ADAM7: variants seen among roughly 807,000 people sequenced by gnomAD.
ADAM7 encodes the protein ADAM metallopeptidase domain 7.
A neutral mutation model predicts 102.9 loss-of-function variants in ADAM7; 97 were observed. The ratio of observed to expected loss-of-function variants is 0.94; its 90% confidence interval spans 0.80 to 1.12. The LOEUF (loss-of-function observed/expected upper bound fraction) is 1.12. Among genes scored for constraint, ADAM7 ranks in the 50% most tolerant of loss-of-function variants. The pLI is 0.00. For missense variants in ADAM7, 991 were observed against 908.7 expected, an observed-to-expected ratio of 1.09 and a Z score of -1.16; for synonymous variants, 334 against 304.4, an observed-to-expected ratio of 1.10 and a Z score of -1.01.
At chr8:24,482,022 T>C in intron 8 of ADAM7, 120 bp from the exon 9 acceptor site, 1 of 702,664 alleles carries the variant, frequency 1.4e-6, no homozygotes, top group Non-Finnish European at 2.3e-6. Flanking sequence ...TTGCACTGTT[T>C]ACTAATGTAC....
At chr8:24,502,995 A>C (rs540400171) in intron 20 of ADAM7, among the ~76,000 whole-genome samples, 1 of 152,190 alleles carries the variant, frequency 6.6e-6, no homozygotes, top group Non-Finnish European at 1.5e-5. Flanking sequence ...ACTGAATCTC[A>C]TGATGAATGA....
Position 24,508,617 on chromosome 8 carries a change from C to T in ADAM7, c.*71C>T, listed in dbSNP as rs373874401. 1.1e-4 allele frequency: 185 copies of T among 1,609,650 alleles called. 2 individuals carry two copies. The African/African-American group carries it at 2.1e-3, about 18-fold the overall frequency. ...GATTCTGGATGCAACGTCTTTACAA[C>T]CTTACCTAGATATCTGCTACTCACA... is the stretch of plus-strand genomic sequence containing the variant. On this transcript the variant is annotated 3_prime_UTR_variant, in exon 22 of 22. Transcript: ENST00000175238.
rs1818367602 is a variant in ADAM7 at position 24,441,366 on chromosome 8, G to GAGAA, written c.52+209_52+212dup. On this transcript the variant is annotated intron_variant, in intron 1 of 21. Coordinates refer to ENST00000175238, the MANE Select transcript of ADAM7 (RefSeq NM_003817.4). ...GAACATTCTGACCCACAGTGAGGAG[G>GAGAA]AGAAAGGAGTGGACAAGTACTGCAT... Among the ~76,000 whole-genome samples, 5 of 152,218 alleles carry GAGAA rather than the reference G, an allele frequency of 3.3e-5. No individual in the cohort carries two copies. The South Asian group carries it at 1.0e-3, about 31-fold the overall frequency.
intron 13 of ADAM7, among the ~76,000 whole-genome samples, chr8:24,491,277 C>G (rs144002942): frequency 7.9e-4 from 121 of 152,218 alleles, no homozygotes; most frequent in African/African-American, 2.2e-3. Flanking sequence ...GAAACGTTCC[C>G]GAGGAAGACA....
chr8:24,466,761 T>C (rs770439108), intron 5 of ADAM7, 38 bp from the exon 6 acceptor site: 3 of 1,570,584 alleles, frequency 1.9e-6, no homozygotes, highest in East Asian at 2.2e-5. Flanking sequence ...AGAGTAATTA[T>C]AGGCCTTGAA....
chr8:24,485,417 G>A (rs1183790523), intron 10 of ADAM7, 56 bp downstream of exon 10: 1 of 1,515,552 alleles, frequency 6.6e-7, no homozygotes, highest in South Asian at 1.2e-5. Flanking sequence ...TTGTTGTAAT[G>A]TCCTGGGTTC....
At position 24,492,042 on chromosome 8, in the gene ADAM7, G is replaced by C. The variant is rs956152480; in HGVS notation, c.1496G>C (p.Cys499Ser). ...CCTTGCAAGAACTCAGAAGGCTACT[G>C]TTTCATGGGGAAATGTCCAACTCGT... is the stretch of plus-strand genomic sequence containing the variant. ...GFPCKNSEGYCFMGKCPTRED... is the reference protein window; with the variant it reads ...GFPCKNSEGYSFMGKCPTRED... The change falls in exon 14 of 22, where the codon TGT becomes TCT. Residue 499 changes from cysteine to serine, a missense_variant. Coordinates refer to ENST00000175238, the MANE Select transcript of ADAM7 (RefSeq NM_003817.4). The C allele has an allele frequency of 2.5e-6, 4 of 1,613,816 alleles. No individual in the cohort carries two copies. In the African/African-American group the frequency reaches 5.3e-5, roughly 22 times the overall value.
At chr8:24,457,221 T>C (rs1273963256) in intron 3 of ADAM7, among the ~76,000 whole-genome samples, 2 of 152,240 alleles carry the variant, frequency 1.3e-5, no homozygotes, top group Non-Finnish European at 2.9e-5. Flanking sequence ...ATCATTTGTA[T>C]ATCTTTTTAA....
intron 3 of ADAM7, 115 bp from the exon 4 acceptor site, chr8:24,463,767 G>A (rs1299469266): frequency 1.3e-6 from 1 of 779,874 alleles, no homozygotes; most frequent in African/African-American, 1.7e-5. Flanking sequence ...TCTAGCGGAA[G>A]AGGATCTTGC....
chr8:24,500,109 A>G, intron 17 of ADAM7, 69 bp from the exon 18 acceptor site: 1 of 1,408,070 alleles, frequency 7.1e-7, no homozygotes, highest in Non-Finnish European at 9.8e-7. Flanking sequence ...AGGTAGCACT[A>G]AAGTAAGTGA....
At position 24,498,751 on chromosome 8, in the gene ADAM7, G is replaced by C. The variant is rs77989709; in HGVS notation, c.1843-485G>C. Among the ~76,000 whole-genome samples, 792 of 151,796 alleles carry C rather than the reference G, an allele frequency of 5.2e-3. 5 individuals are homozygous for C. The highest frequency in any genetic ancestry group is 0.018 in the African/African-American group (758 of 41,492). On this transcript the variant is annotated intron_variant, in intron 16 of 21. Transcript: ENST00000175238. ...AAATAACAAAACCAATAATATTTTA[G>C]TGATCAAATTTACCAAGAGAAAGGA...
At chr8:24,452,048 C>G (rs1427210464) in intron 3 of ADAM7, among the ~76,000 whole-genome samples, 15 of 152,112 alleles carry the variant, frequency 9.9e-5, no homozygotes, top group Admixed American at 9.8e-4. Context: ...TTTACATTTG[C>G]TGAGGAGAGC....
chr8:24,480,125 G>A (rs17052037), intron 8 of ADAM7, among the ~76,000 whole-genome samples: 3,134 of 152,220 alleles, frequency 0.021, 121 homozygotes, highest in African/African-American at 0.072. Flanking sequence ...GCCTTGCCTT[G>A]TATCTTGCAA....
rs1316084641 is a variant in ADAM7 at position 24,509,482 on chromosome 8, A to G, written c.*936A>G. ...AAGCTACATGCATTATTTTTTTTCCATTTACTGAAATAAAGTTTTCAAGTT... is the reference window on the plus strand; with the variant it reads ...AAGCTACATGCATTATTTTTTTTCCGTTTACTGAAATAAAGTTTTCAAGTT... On this transcript the variant is annotated 3_prime_UTR_variant, in exon 22 of 22. Coordinates refer to ENST00000175238, the MANE Select transcript of ADAM7 (RefSeq NM_003817.4). The G allele has an allele frequency of 4.1e-6, 4 of 983,868 alleles. No homozygotes were observed. Among genetic ancestry groups the G allele is most frequent in the Non-Finnish European group, 4.8e-6 (4 of 828,790 alleles). The allele number at this position is 983,868 out of a possible 1,614,324, so 60.9% of individuals were successfully genotyped here.
rs774981478 is a variant in ADAM7, at chr8:24,441,207, TTG to T, written c.52+51_52+52del. 15 of 1,546,244 alleles carry T rather than the reference TTG, an allele frequency of 9.7e-6. 2 individuals carry two copies. In the South Asian group the frequency reaches 1.6e-4, roughly 16 times the overall value. ...AGGACTTTCTTATTATGCTGTGAGG[TTG>T]TGTCTCTTTAGTCACAAACTTTAAA... On this transcript the variant is annotated intron_variant, in intron 1 of 21. Coordinates refer to ENST00000175238, the MANE Select transcript of ADAM7 (RefSeq NM_003817.4).
intron 16 of ADAM7, among the ~76,000 whole-genome samples, chr8:24,496,627 C>G (rs781648904): frequency 2.6e-5 from 4 of 152,188 alleles, no homozygotes; most frequent in Non-Finnish European, 5.9e-5. Context: ...GACATGGAAT[C>G]AAAGGAGATC....
intron 4 of ADAM7, 81 bp from the exon 5 acceptor site, chr8:24,465,618 T>C: frequency 1.3e-6 from 1 of 790,422 alleles, no homozygotes; most frequent in Middle Eastern, 3.9e-4. Flanking sequence ...TGATATATTC[T>C]GAACAGAAAA....
intron 20 of ADAM7, chr8:24,505,946 C>T (rs1820935406): frequency 1.6e-6 from 1 of 626,554 alleles, no homozygotes; most frequent in Non-Finnish European, 2.8e-6. Context: ...CCACTCTTCT[C>T]ATATGTAAAT....
chr8:24,452,544 C>G (rs1818839382), intron 3 of ADAM7, among the ~76,000 whole-genome samples: 1 of 151,716 alleles, frequency 6.6e-6, no homozygotes, highest in South Asian at 2.1e-4. Context: ...CTATGTGTGT[C>G]TCTGCACGTG....
Sources: allele counts gnomAD v4.1 joint callset (sites outside exome capture counted in the v4.1 genomes callset), GRCh38; gene constraint gnomAD v4.1.1; transcripts MANE v1.5; gene names NCBI Gene and HGNC (gene_info 2026-07-23, HGNC 2026-07-21).